BLOC1S3: variants seen among roughly 807,000 people sequenced by gnomAD.
BLOC1S3 encodes the protein biogenesis of lysosome-related organelles complex 1 subunit 3.
In BLOC1S3, 7 loss-of-function variants were observed where a neutral mutation model predicts 9.1. That is an observed-to-expected ratio of 0.77 (90% confidence interval 0.44 to 1.45). The LOEUF is 1.45. BLOC1S3 is among the 40% of genes most tolerant of loss of function. The probability of loss-of-function intolerance (pLI) is 0.01; values close to 1 mark genes in which losing one functional copy is unlikely to be tolerated. For synonymous variants in BLOC1S3, 145 were observed against 158.4 expected, an observed-to-expected ratio of 0.92 and a Z score of 0.64; for missense variants, 307 against 315.2, an observed-to-expected ratio of 0.97 and a Z score of 0.20.
chr19:45,182,572 G>A (rs549535432), downstream of BLOC1S3, among the ~76,000 whole-genome samples: 14 of 152,246 alleles, frequency 9.2e-5, no homozygotes, highest in African/African-American at 3.1e-4. Context: ...GCTGAGGCAG[G>A]AGAATCGCTT....
chr19:45,211,562 T>G (rs1599757932), intron 3 of BLOC1S3, among the ~76,000 whole-genome samples: 1 of 146,842 alleles, frequency 6.8e-6, no homozygotes, highest in Non-Finnish European at 1.5e-5. Context: ...GTGAGGAAGG[T>G]GCACCCTCAG....
intron 3 of BLOC1S3, among the ~76,000 whole-genome samples, chr19:45,203,794 C>A (rs1432601854): frequency 6.6e-6 from 1 of 152,264 alleles, no homozygotes; most frequent in East Asian, 1.9e-4. Flanking sequence ...GCTCTCCCTA[C>A]CCCAAATGCA....
At chr19:45,212,869 G>C in intron 3 of BLOC1S3, 1 of 553,692 alleles carries the variant, frequency 1.8e-6, no homozygotes, top group Non-Finnish European at 2.9e-6. Context: ...CAAAGTGTTG[G>C]GATTACAGGC....
chr19:45,208,724 C>T (rs1459313211), intron 3 of BLOC1S3, among the ~76,000 whole-genome samples: 1 of 150,276 alleles, frequency 6.7e-6, no homozygotes, highest in Non-Finnish European at 1.5e-5. Flanking sequence ...CATTGCACTC[C>T]AGCCTGGGCA....
At chr19:45,187,315 A>G (rs1251496468), upstream of BLOC1S3, 8 of 152,358 alleles carry the variant, frequency 5.3e-5, no homozygotes, top group African/African-American at 1.9e-4. Flanking sequence ...TGACTCCCCA[A>G]CACCTCTCTT....
intron 2 of BLOC1S3, among the ~76,000 whole-genome samples, chr19:45,197,824 CAAAAAAAA>C (rs55654938): frequency 1.6e-5 from 1 of 63,612 alleles, no homozygotes; most frequent in Admixed American, 2.1e-4. Context: ...GACTCCGTCT[CAAAAAAAA>C]AAAAAAAAAA....
At chr19:45,182,962 C>G (rs376777968), downstream of BLOC1S3, among the ~76,000 whole-genome samples, 67 of 152,098 alleles carry the variant, frequency 4.4e-4, no homozygotes, top group African/African-American at 1.5e-3. Context: ...GAGCTGAGCC[C>G]GGAAGGTGGA....
In BLOC1S3 at chr19:45,179,994, C is replaced by T. The variant is rs1032770235; in HGVS notation, c.*89C>T. 3.5e-6 allele frequency: 5 copies of T among 1,438,612 alleles called. No individual in the cohort carries two copies. Among genetic ancestry groups the T allele is most frequent in the Non-Finnish European group, 4.7e-6 (5 of 1,056,772 alleles). The allele number at this position is 1,438,612 out of a possible 1,614,324, so 89.1% of individuals were successfully genotyped here. Reference sequence around the variant, plus strand: ...ACTCTGTCTCCTGTGTCTCTTATCACCCCCCACCCCCGCTCCCATCTTGGT... The same window carrying T: ...ACTCTGTCTCCTGTGTCTCTTATCATCCCCCACCCCCGCTCCCATCTTGGT... On this transcript the variant is annotated 3_prime_UTR_variant, in exon 2 of 2. Transcript: ENST00000433642. This position sits in a 1 kb window ranked among gnomAD's most constrained non-coding sequence, Gnocchi z 4.6.
At chr19:45,216,167 CG>C in intron 3 of BLOC1S3, 1 of 1,613,872 alleles carries the variant, frequency 6.2e-7, no homozygotes, top group South Asian at 1.1e-5. Context: ...TGGGGCACCA[CG>C]GCATCCAGCC....
At chr19:45,195,437 A>G (rs933715382) in intron 2 of BLOC1S3, among the ~76,000 whole-genome samples, 1 of 150,242 alleles carries the variant, frequency 6.7e-6, no homozygotes, top group Non-Finnish European at 1.5e-5. Context: ...GAACTCCTGC[A>G]CTCAAGTGAT....
In BLOC1S3 at chr19:45,207,555, CAAAAAAAAAAAAAA is replaced by C. The variant is rs58164218; in HGVS notation, n.282+5066_282+5079del. 1.6e-3 allele frequency among the ~76,000 whole-genome samples: 102 copies of C among 64,784 alleles called. 1 individual carries two copies. The highest frequency in any genetic ancestry group is 4.5e-3 in the African/African-American group (97 of 21,710). 42.5% of individuals were successfully genotyped at this position (64,784 alleles called of 152,430 possible). On this transcript the variant is annotated intron_variant and non_coding_transcript_variant, in intron 3 of 3. Transcript: ENST00000591569. ...TGGGTGACAGAGCGAGACTCTGTCT[CAAAAAAAAAAAAAA>C]AAAAAAAAAAAAAAAAACCTAGCTG... is the stretch of plus-strand genomic sequence containing the variant.
intron 2 of BLOC1S3, among the ~76,000 whole-genome samples, chr19:45,193,048 C>T (rs954594264): frequency 3.7e-5 from 5 of 136,944 alleles, no homozygotes; most frequent in African/African-American, 1.3e-4. Flanking sequence ...CAGGAGAATA[C>T]TTGAACCCAG....
At chr19:45,204,010 G>A (rs1969709412) in intron 3 of BLOC1S3, among the ~76,000 whole-genome samples, 1 of 151,824 alleles carries the variant, frequency 6.6e-6, no homozygotes, top group African/African-American at 2.4e-5. Context: ...TTAACCAGTC[G>A]ATTCTTTTTT....
intron 3 of BLOC1S3, chr19:45,213,242 G>T: frequency 6.2e-7 from 1 of 1,613,338 alleles, no homozygotes; most frequent in Non-Finnish European, 8.5e-7. Flanking sequence ...TCCCGAGGGG[G>T]TGACAGGGCT....
intron 3 of BLOC1S3, among the ~76,000 whole-genome samples, chr19:45,212,438 C>G (rs1298973299): frequency 6.6e-6 from 1 of 151,950 alleles, no homozygotes; most frequent in Non-Finnish European, 1.5e-5. Flanking sequence ...TGGGGCCAGA[C>G]CTTGAGGTGA....
At chr19:45,196,614 C>T (rs781408353) in intron 2 of BLOC1S3, among the ~76,000 whole-genome samples, 1 of 151,964 alleles carries the variant, frequency 6.6e-6, no homozygotes. Flanking sequence ...AACTCTTAGC[C>T]GGGAGCGGTG....
chr19:45,204,241 T>C lies in BLOC1S3; in HGVS notation n.282+1734T>C, dbSNP rs546027718. 2.0e-3 allele frequency among the ~76,000 whole-genome samples: 285 copies of C among 145,014 alleles called. 4 individuals carry two copies. Among genetic ancestry groups the C allele is most frequent in the African/African-American group, 7.0e-3 (268 of 38,140 alleles). On this transcript the variant is annotated intron_variant and non_coding_transcript_variant, in intron 3 of 3. Coordinates refer to the BLOC1S3 transcript ENST00000591569. ...TTTGCTCTTGTTGTCCAGGCTGGAC[T>C]GCAATGGTGTGATCTCGGTTTACTG...
downstream of BLOC1S3, among the ~76,000 whole-genome samples, chr19:45,183,218 G>A (rs1333817992): frequency 2.6e-5 from 4 of 151,926 alleles, no homozygotes; most frequent in Non-Finnish European, 4.4e-5. Context: ...AGTGGCTCAC[G>A]CCTGTAATTC....
intron 2 of BLOC1S3, among the ~76,000 whole-genome samples, chr19:45,199,695 CTTCTG>C (rs1014047146): frequency 7.9e-5 from 12 of 150,964 alleles, no homozygotes; most frequent in South Asian, 2.1e-4. Flanking sequence ...CTTCTGTTCT[CTTCTG>C]TTCTCTTCTC....
Sources: allele counts gnomAD v4.1 joint callset (sites outside exome capture counted in the v4.1 genomes callset), GRCh38; gene constraint gnomAD v4.1.1; non-coding constraint Gnocchi (gnomAD v3.1); transcripts MANE v1.5; gene names NCBI Gene and HGNC (gene_info 2026-07-23, HGNC 2026-07-21).